Variants in FBXO41 observed in about 807,000 individuals in gnomAD.
FBXO41 encodes the protein F-box protein 41.
FBXO41 carries 33 observed loss-of-function variants against 81.6 expected under a neutral mutation model. That is an observed-to-expected ratio of 0.40 (90% CI 0.31 to 0.54). FBXO41 has a LOEUF of 0.54. Ranked by LOEUF, FBXO41 falls within the 20% of genes least tolerant of loss-of-function variation. The probability of loss-of-function intolerance (pLI) is 0.39; values close to 1 mark genes in which losing one functional copy is unlikely to be tolerated. For missense variants in FBXO41, 1,107 were observed against 1,236.0 expected, an observed-to-expected ratio of 0.90 and a Z score of 1.56; for synonymous variants, 576 against 552.7, an observed-to-expected ratio of 1.04 and a Z score of -0.59.
At position 73,269,476 on chromosome 2, in the gene FBXO41, G is replaced by GCGGCGC. The variant is rs1558588383; in HGVS notation, c.149_154dup (p.Gly50_Ala51dup). ...AGCGGCGGCGGCGGCCGCGGCGGCG[G>GCGGCGC]CGGCGCCGTCGCAGATGCTGTTGGT... On this transcript the variant is annotated inframe_insertion, in exon 2 of 13. Coordinates refer to ENST00000520530, the MANE Select transcript of FBXO41 (RefSeq NM_001371389.2). The surrounding 1 kb of genome is among the most constrained non-coding windows in gnomAD (Gnocchi z 7.0). The GCGGCGC allele has an allele frequency of 2.2e-5, 28 of 1,281,980 alleles. No homozygotes were observed. The highest frequency in any genetic ancestry group is 2.6e-5 in the Non-Finnish European group (26 of 1,011,472). The allele number at this position is 1,281,980 out of a possible 1,614,324, so 79.4% of individuals were successfully genotyped here.
At chr2:73,264,939 A>T (rs1688179163) in intron 5 of FBXO41, among the ~76,000 whole-genome samples, 2 of 151,968 alleles carry the variant, frequency 1.3e-5, no homozygotes, top group African/African-American at 4.8e-5. Context: ...AACCACCCAC[A>T]TATGTGTGGT....
intron 1 of FBXO41, among the ~76,000 whole-genome samples, chr2:73,279,152 G>C (rs1233704631): frequency 6.6e-6 from 1 of 152,192 alleles, no homozygotes; most frequent in African/African-American, 2.4e-5. Context: ...GTGACAGAAT[G>C]ACTGTGGCAG....
At position 73,269,608 on chromosome 2, in the gene FBXO41, T is replaced by C; in HGVS notation, c.23A>G (p.Tyr8Cys). 7.7e-7 allele frequency: 1 copy of C among 1,291,868 alleles called. No individual in the cohort carries two copies. Among genetic ancestry groups the C allele is most frequent in the Non-Finnish European group, 9.9e-7 (1 of 1,010,490 alleles). The allele number at this position is 1,291,868 out of a possible 1,614,324, so 80.0% of individuals were successfully genotyped here. A position where few individuals can be genotyped will look rare whatever the true frequency, so the allele number is the denominator to read the frequency against. Residue 8 changes from tyrosine to cysteine, a missense_variant, in exon 2 of 13, where the codon TAC becomes TGC. By Grantham distance (194) the Tyr-to-Cys change is radical. Transcript: ENST00000520530. This position sits in a 1 kb window ranked among gnomAD's most constrained non-coding sequence, Gnocchi z 7.0. Reference sequence around the variant, plus strand: ...GTGCTCCCCGCAGCGGGGGCAGCGGTACGGCAGGTCCAGCGAGGCCATGGC... The same window carrying C: ...GTGCTCCCCGCAGCGGGGGCAGCGGCACGGCAGGTCCAGCGAGGCCATGGC... MASLDLP[Y>C]RCPRCGEHKR...
At position 73,260,741 on chromosome 2, in the gene FBXO41, G is replaced by T; in HGVS notation, c.2289C>A (p.Leu763=). 6.5e-7 allele frequency: 1 copy of T among 1,545,474 alleles called. No homozygotes were observed. The highest frequency in any genetic ancestry group is 8.8e-7 in the Non-Finnish European group (1 of 1,142,274). ...ACCCCAGTCCAAGGAAAGACTCACC[G>T]AGTGATGCCAGGCCCTGCACCCCAC... ...AGCGVQGLAS[L]ARNCMRLQVL... Residue 763 remains leucine (L), a splice_region_variant and synonymous_variant, in exon 10 of 13, where the codon CTC becomes CTA. Transcript: ENST00000520530. This position sits in a 1 kb window ranked among gnomAD's most constrained non-coding sequence, Gnocchi z 5.0.
Position 73,255,480 on chromosome 2 carries a change from G to C in FBXO41, c.*3502C>G. 6.5e-6 allele frequency: 1 copy of C among 153,036 alleles called. No homozygotes were observed. Among genetic ancestry groups the C allele is most frequent in the Non-Finnish European group, 1.5e-5 (1 of 68,228 alleles). 9.5% of individuals were successfully genotyped at this position (153,036 alleles called of 1,614,324 possible). A position where few individuals can be genotyped will look rare whatever the true frequency, so the allele number is the denominator to read the frequency against. The stretch of plus-strand genomic sequence containing the variant: ...GCCACTGGGTTGGAGAGAAGGGCCA[G>C]GCCCCCAGGGGAAGGAAGTTACACT... On this transcript the variant is annotated 3_prime_UTR_variant, in exon 13 of 13. Coordinates refer to ENST00000520530, the MANE Select transcript of FBXO41 (RefSeq NM_001371389.2).
At chr2:73,270,954 T>C (rs368639123) in intron 1 of FBXO41, 1 of 532,838 alleles carries the variant, frequency 1.9e-6, no homozygotes, top group African/African-American at 1.9e-5. Flanking sequence ...GCCGATACTG[T>C]TGACCCCTCC....
rs534131435 is a variant in FBXO41 at position 73,271,718 on chromosome 2, C to G, written c.-138-1950G>C. 3.1e-4 allele frequency among the ~76,000 whole-genome samples: 47 copies of G among 152,000 alleles called. 1 individual carries two copies. The South Asian group carries it at 9.2e-3, about 30-fold the overall frequency. On this transcript the variant is annotated intron_variant, in intron 1 of 12. Coordinates refer to ENST00000520530, the MANE Select transcript of FBXO41 (RefSeq NM_001371389.2). The stretch of plus-strand genomic sequence containing the variant: ...CAGTCTCGGCTCACTACAACCTCCC[C>G]CTCTGAAGTTCAAGCGATTCTCCTG...
rs1688264567 is a variant in FBXO41, at chr2:73,266,103, A to G, written c.1132-137T>C. 1.3e-6 allele frequency: 1 copy of G among 789,694 alleles called. No homozygotes were observed. Among genetic ancestry groups the G allele is most frequent in the Non-Finnish European group, 2.1e-6 (1 of 479,790 alleles). The allele number at this position is 789,694 out of a possible 1,614,324, so 48.9% of individuals were successfully genotyped here. On this transcript the variant is annotated intron_variant, in intron 3 of 12. Coordinates refer to ENST00000520530, the MANE Select transcript of FBXO41 (RefSeq NM_001371389.2). This position sits in a 1 kb window ranked among gnomAD's most constrained non-coding sequence, Gnocchi z 5.3. ...AGAGAAGGGAAAATAGTTGGGAAAG[A>G]TGGACAAATGGACAGACAGACAGCC...
In FBXO41 at chr2:73,265,897, T is replaced by C. The variant is rs1688249108; in HGVS notation, c.1201A>G (p.Thr401Ala). ...AVSRHGSSPSTGASSRVPAAS... is the reference protein window; with the variant it reads ...AVSRHGSSPSAGASSRVPAAS... ...TGGGCTGGGCCCAAGGCTTACCCTG[T>C]GCTCGGAGAGGAGCCATGCCGTGAC... The change falls in exon 4 of 13, where the codon ACA (threonine) becomes GCA (alanine). Residue 401 changes from threonine to alanine, a missense_variant. Thr to Ala is a moderately conservative substitution (Grantham distance 58). Around this residue, in one of 2 missense-constraint regions of FBXO41, gnomAD observed 771 missense variants for 789.2 expected, o/e 0.98. Coordinates refer to ENST00000520530, the MANE Select transcript of FBXO41 (RefSeq NM_001371389.2). The C allele has an allele frequency of 6.3e-7, 1 of 1,585,020 alleles. No individual in the cohort carries two copies. Among genetic ancestry groups the C allele is most frequent in the South Asian group, 1.2e-5 (1 of 86,402 alleles).
rs766534244 is a variant in FBXO41 at position 73,265,372 on chromosome 2, G to A, written c.1474C>T (p.Arg492Ter). Residue 492 changes from arginine to a stop codon, truncating the protein, a stop_gained, in exon 5 of 13, where the codon CGA becomes TGA. Coordinates refer to ENST00000520530, the MANE Select transcript of FBXO41 (RefSeq NM_001371389.2). LOFTEE classifies it high-confidence loss of function. ...EEGDVSDVGS[R>*]TTESEAEGPL... ...CCCTCAGCCTCTGACTCAGTGGTTC[G>A]GGAGCCAACGTCGGAGACATCACCC... 6.2e-6 allele frequency: 10 copies of A among 1,611,670 alleles called. No individual in the cohort carries two copies. The highest frequency in any genetic ancestry group is 1.3e-5 in the African/African-American group (1 of 74,928).
At chr2:73,261,016 C>T (rs1244688169) in intron 9 of FBXO41, among the ~76,000 whole-genome samples, 158 bp from the exon 10 acceptor site, 3 of 152,066 alleles carry the variant, frequency 2.0e-5, no homozygotes, top group Non-Finnish European at 4.4e-5. Context: ...CTCCTCTGCC[C>T]TCATCTCATC....
rs1304356147 is a variant in FBXO41, at chr2:73,260,767, A to C, written c.2263T>G (p.Cys755Gly). 1 of 1,556,782 alleles carries C rather than the reference A, an allele frequency of 6.4e-7. No homozygotes were observed. Among genetic ancestry groups the C allele is most frequent in the Non-Finnish European group, 8.7e-7 (1 of 1,149,218 alleles). ...LRALGVGGAG[C>G]GVQGLASLAR... ...AGTGATGCCAGGCCCTGCACCCCAC[A>C]GCCGGCACCCCCGACCCCCAGGGCC... The change falls in exon 10 of 13, where the codon TGT (cysteine) becomes GGT (glycine). Residue 755 changes from cysteine to glycine, a missense_variant. Cys to Gly is a radical substitution (Grantham distance 159). This residue lies in a region of FBXO41 where 336 missense variants were observed against 446.7 expected (regional missense o/e 0.75). Coordinates refer to ENST00000520530, the MANE Select transcript of FBXO41 (RefSeq NM_001371389.2). This position sits in a 1 kb window ranked among gnomAD's most constrained non-coding sequence, Gnocchi z 5.0.
At chr2:73,267,192 T>C (rs1688305878) in intron 2 of FBXO41, among the ~76,000 whole-genome samples, 1 of 152,152 alleles carries the variant, frequency 6.6e-6, no homozygotes, top group Admixed American at 6.5e-5. Context: ...AGAGGCTCAT[T>C]ACACAGCCCC....
At chr2:73,263,343 G>C (rs1210982474) in intron 8 of FBXO41, 35 bp from the exon 9 acceptor site, 1 of 1,449,548 alleles carries the variant, frequency 6.9e-7, no homozygotes, top group South Asian at 1.4e-5. Context: ...CAGGCAGCAG[G>C]GTGGCTTATA....
In FBXO41 at chr2:73,265,501, C is replaced by G. The variant is rs200329901; in HGVS notation, c.1345G>C (p.Gly449Arg). Residue 449 changes from glycine (G) to arginine (R), a missense_variant, in exon 5 of 13, where the codon GGG becomes CGG. Physicochemically the swap from Gly to Arg is moderately radical, Grantham distance 125 (BLOSUM62 -2). Coordinates refer to ENST00000520530, the MANE Select transcript of FBXO41 (RefSeq NM_001371389.2). ...GGGGGCTGGGACCGCTCTGAGCCCC[C>G]GTTGGCAGCCTGGGCCCGTGTGCCC... ...GLGTRAQAAN[G>R]GSERSQPPRS... 1.1e-5 allele frequency: 17 copies of G among 1,596,484 alleles called. No homozygotes were observed. The East Asian group carries it at 2.3e-4, about 21-fold the overall frequency.
intron 6 of FBXO41, 63 bp from the exon 7 acceptor site, chr2:73,264,116 G>A: frequency 6.4e-7 from 1 of 1,550,880 alleles, no homozygotes; most frequent in East Asian, 2.4e-5. Context: ...CTGGAGGTGG[G>A]CCAGCCCCAG....
chr2:73,265,887 G>A lies in FBXO41; in HGVS notation c.1205+6C>T, dbSNP rs1211575169. ...CTGCATGGGGTGGGCTGGGCCCAAG[G>A]CTTACCCTGTGCTCGGAGAGGAGCC... On this transcript the variant is annotated splice_donor_region_variant and intron_variant, in intron 4 of 12. Transcript: ENST00000520530. 1 of 1,581,992 alleles carries A rather than the reference G, an allele frequency of 6.3e-7. No individual in the cohort carries two copies. The highest frequency in any genetic ancestry group is 8.6e-7 in the Non-Finnish European group (1 of 1,163,970).
rs377409516 is a variant in FBXO41 at position 73,268,893 on chromosome 2, G to C, written c.738C>G (p.Ala246=). Residue 246 remains alanine (A), a synonymous_variant, in exon 2 of 13, where the codon GCC becomes GCG. Coordinates refer to ENST00000520530, the MANE Select transcript of FBXO41 (RefSeq NM_001371389.2). ...RLQAELERKA[A]ELETARQESA... ...TCTCCTGCCGCGCAGTCTCCAGTTC[G>C]GCCGCCTTGCGCTCCAGCTCGGCCT... is the stretch of plus-strand genomic sequence containing the variant. 13 of 1,552,610 alleles carry C rather than the reference G, an allele frequency of 8.4e-6. No homozygotes were observed. The East Asian group carries it at 2.7e-4, about 32-fold the overall frequency.
Position 73,263,931 on chromosome 2 carries a change from G to C in FBXO41, c.1922+7C>G, listed in dbSNP as rs1376423491. 3 of 1,611,978 alleles carry C rather than the reference G, an allele frequency of 1.9e-6. No homozygotes were observed. In the Admixed American group the frequency reaches 5.0e-5, roughly 27 times the overall value. Reference sequence around the variant, plus strand: ...AGCACCCACCACCCACCCATCGCAGGCCTCACCGGGTGCTCCGGGCATACT... The same window carrying C: ...AGCACCCACCACCCACCCATCGCAGCCCTCACCGGGTGCTCCGGGCATACT... On this transcript the variant is annotated splice_region_variant and intron_variant, in intron 7 of 12. Transcript: ENST00000520530.
Sources: allele counts gnomAD v4.1 joint callset (sites outside exome capture counted in the v4.1 genomes callset), GRCh38; gene constraint gnomAD v4.1.1; regional missense constraint gnomAD v4.1.1; non-coding constraint Gnocchi (gnomAD v3.1); transcripts MANE v1.5; gene names NCBI Gene and HGNC (gene_info 2026-07-23, HGNC 2026-07-21).